LRP4: variants seen among roughly 807,000 people sequenced by gnomAD.
The protein encoded by LRP4 is LDL receptor related protein 4.
Under a neutral mutation model 220.3 loss-of-function variants are expected in LRP4, and 95 were observed. The ratio of observed to expected loss-of-function variants is 0.43; its 90% CI spans 0.37 to 0.51. The LOEUF is 0.51. Among genes scored for constraint, LRP4 ranks in the 20% least tolerant of loss-of-function variants. LRP4 has a pLI of 0.00. For synonymous variants in LRP4, 903 were observed against 954.6 expected, an observed-to-expected ratio of 0.95 and a Z score of 1.00; for missense variants, 1,925 against 2,567.0, an observed-to-expected ratio of 0.75 and a Z score of 5.40.
Position 46,871,545 on chromosome 11 carries a change from G to A in LRP4, c.4672C>T (p.His1558Tyr), listed in dbSNP as rs1940863301. Residue 1558 changes from histidine (H) to tyrosine (Y), a missense_variant, in exon 31 of 38, where the codon CAC becomes TAC. Around this residue, in one of 3 missense-constraint regions of LRP4, gnomAD observed 1,244 missense variants for 1,624.9 expected, o/e 0.77. Coordinates refer to ENST00000378623, the MANE Select transcript of LRP4 (RefSeq NM_002334.4). ...AGTACCTGTGTGAGGGCAAAGGGGTGGGACACATGGCTGACCAAGACCTGC... is the reference window on the plus strand; with the variant it reads ...AGTACCTGTGTGAGGGCAAAGGGGTAGGACACATGGCTGACCAAGACCTGC... Reference protein sequence around the residue: ...LRQVLVSHVSHPFALTQQDRW... With the variant: ...LRQVLVSHVSYPFALTQQDRW... 1 of 1,612,540 alleles carries A rather than the reference G, an allele frequency of 6.2e-7. No individual in the cohort carries two copies. Among genetic ancestry groups the A allele is most frequent in the Non-Finnish European group, 8.5e-7 (1 of 1,179,186 alleles).
chr11:46,900,389 G>GGAAAA lies in LRP4; in HGVS notation c.200-16_200-12dup, dbSNP rs760673637. The GGAAAA allele has an allele frequency of 1.3e-6, 2 of 1,542,272 alleles. No homozygotes were observed. The highest frequency in any genetic ancestry group is 3.3e-5 in the Admixed American group (2 of 59,932). On this transcript the variant is annotated splice_polypyrimidine_tract_variant and intron_variant, in intron 2 of 37. Coordinates refer to ENST00000378623, the MANE Select transcript of LRP4 (RefSeq NM_002334.4). ...AACAGGTAGGTAGTACTGAATCCCA[G>GGAAAA]GAAAAGAAAAGAAAAGTCAATCAAC...
chr11:46,883,076 C>T (rs934443660), intron 19 of LRP4, among the ~76,000 whole-genome samples: 1 of 152,072 alleles, frequency 6.6e-6, no homozygotes, highest in African/African-American at 2.4e-5. Context: ...AGTGAGATCA[C>T]AGAGAATTTT....
chr11:46,901,539 G>A (rs1423785622), intron 2 of LRP4, among the ~76,000 whole-genome samples: 1 of 152,122 alleles, frequency 6.6e-6, no homozygotes, highest in East Asian at 1.9e-4. Context: ...GGGTTAATGA[G>A]GTCCAGGTTG....
intron 12 of LRP4, among the ~76,000 whole-genome samples, chr11:46,894,018 A>C (rs1312858020): frequency 6.6e-6 from 1 of 151,458 alleles, no homozygotes; most frequent in Non-Finnish European, 1.5e-5. Flanking sequence ...CAGCCTCCCA[A>C]GTAGCTGGGA....
intron 7 of LRP4, among the ~76,000 whole-genome samples, chr11:46,897,889 T>C (rs372200395): frequency 1.2e-4 from 19 of 152,142 alleles, no homozygotes; most frequent in African/African-American, 4.6e-4. Context: ...AGCTGTTGGG[T>C]ACACCTCCCA....
intron 37 of LRP4, 27 bp downstream of exon 37, chr11:46,862,579 C>T (rs764729723): frequency 1.2e-6 from 2 of 1,613,656 alleles, no homozygotes; most frequent in Admixed American, 1.7e-5. Context: ...GCCAAAAAGA[C>T]CCTTGAATAT....
intron 1 of LRP4, among the ~76,000 whole-genome samples, chr11:46,912,985 G>C (rs1408796694): frequency 6.6e-6 from 1 of 152,132 alleles, no homozygotes; most frequent in Non-Finnish European, 1.5e-5. Context: ...GCTGTGCATA[G>C]AGGTGAGGGG....
intron 1 of LRP4, among the ~76,000 whole-genome samples, chr11:46,907,636 C>CAA (rs1436397668): frequency 6.6e-6 from 1 of 152,114 alleles, no homozygotes; most frequent in Non-Finnish European, 1.5e-5. Flanking sequence ...CCAGGGAAGC[C>CAA]AAAAGTCTGG....
chr11:46,868,112 G>A lies in LRP4; in HGVS notation c.4954C>T (p.Pro1652Ser). ...EPDSRPCSLV[P>S]GLVPPAPRAT... is the part of the protein sequence containing the mutation. ...CTAGGAGCTGGTGGTACCAGGCCAGGCACTAGACAAAAAAGAGGATTGGAG... is the reference window on the plus strand; with the variant it reads ...CTAGGAGCTGGTGGTACCAGGCCAGACACTAGACAAAAAAGAGGATTGGAG... Residue 1652 changes from proline to serine, a missense_variant and splice_region_variant, in exon 34 of 38, where the codon CCT becomes TCT. Physicochemically the swap from Pro to Ser is moderately conservative, Grantham distance 74. Coordinates refer to ENST00000378623, the MANE Select transcript of LRP4 (RefSeq NM_002334.4). The A allele has an allele frequency of 6.2e-7, 1 of 1,614,040 alleles. No homozygotes were observed. The highest frequency in any genetic ancestry group is 8.5e-7 in the Non-Finnish European group (1 of 1,180,018).
At chr11:46,891,190 T>C (rs566813245) in intron 13 of LRP4, among the ~76,000 whole-genome samples, 1 of 152,260 alleles carries the variant, frequency 6.6e-6, no homozygotes, top group African/African-American at 2.4e-5. Flanking sequence ...TTCAGCTCAC[T>C]GCAACCTCCA....
At chr11:46,871,276 C>T (rs773728400) in intron 31 of LRP4, among the ~76,000 whole-genome samples, 4 of 152,124 alleles carry the variant, frequency 2.6e-5, no homozygotes, top group African/African-American at 4.8e-5. Context: ...AGCACCATAT[C>T]GGATTCTGTA....
In LRP4 at chr11:46,875,048, C is replaced by T. The variant is rs761599355; in HGVS notation, c.3981G>A (p.Arg1327=). 4.3e-6 allele frequency: 7 copies of T among 1,613,652 alleles called. No individual in the cohort carries two copies. In the East Asian group the frequency reaches 1.6e-4, roughly 36 times the overall value. Reference sequence around the variant, plus strand: ...GGCAGGCACAGGAGAAGCCAGAAGGCCGAGGCAAGCAGAGGTGGGAGCAGC... The same window carrying T: ...GGCAGGCACAGGAGAAGCCAGAAGGTCGAGGCAAGCAGAGGTGGGAGCAGC... ...NGGCSHLCLP[R]PSGFSCACPT... Residue 1327 remains arginine, a synonymous_variant, in exon 28 of 38, where the codon CGG becomes CGA. Coordinates refer to ENST00000378623, the MANE Select transcript of LRP4 (RefSeq NM_002334.4). This position sits in a 1 kb window ranked among gnomAD's most constrained non-coding sequence, Gnocchi z 4.5.
intron 25 of LRP4, among the ~76,000 whole-genome samples, chr11:46,876,195 G>A (rs1941010326): frequency 6.6e-6 from 1 of 152,170 alleles, no homozygotes; most frequent in African/African-American, 2.4e-5. Flanking sequence ...TAAGGAAGCT[G>A]AGAATTAGAG....
In LRP4 at chr11:46,910,087, G is replaced by A. The variant is rs571390579; in HGVS notation, c.53-7158C>T. Among the ~76,000 whole-genome samples the A allele has an allele frequency of 1.4e-3, 207 of 152,244 alleles. No individual in the cohort carries two copies. The Middle Eastern group carries it at 0.017, about 13-fold the overall frequency. ...GGTGAAGTCTTCTCCTCAGTGGCCC[G>A]TTTCGAAAGGGACATGTCGGGCACA... On this transcript the variant is annotated intron_variant, in intron 1 of 37. Transcript: ENST00000378623.
At position 46,902,935 on chromosome 11, in the gene LRP4, C is replaced by A; in HGVS notation, c.53-6G>T. On this transcript the variant is annotated splice_polypyrimidine_tract_variant and splice_region_variant and intron_variant, in intron 1 of 37. Transcript: ENST00000378623. The stretch of plus-strand genomic sequence containing the variant: ...CTCGGGGCTGCTGGCCAGGCCTGGG[C>A]GGAGGGAAAAGGAATCAGTGAGGGC... The A allele has an allele frequency of 1.2e-6, 2 of 1,613,896 alleles. No homozygotes were observed. The highest frequency in any genetic ancestry group is 1.7e-6 in the Non-Finnish European group (2 of 1,180,022).
chr11:46,918,314 C>T lies in LRP4; in HGVS notation c.52+14G>A. On this transcript the variant is annotated intron_variant, in intron 1 of 37. Coordinates refer to ENST00000378623, the MANE Select transcript of LRP4 (RefSeq NM_002334.4). This position sits in a 1 kb window ranked among gnomAD's most constrained non-coding sequence, Gnocchi z 6.0. ...CGGACCCAGGGACAAACTTTCCCGG[C>T]GGGCGCCGCTTACCGTGTGCGCAGA... is the stretch of plus-strand genomic sequence containing the variant. 6.6e-7 allele frequency: 1 copy of T among 1,509,332 alleles called. No individual in the cohort carries two copies. Among genetic ancestry groups the T allele is most frequent in the Non-Finnish European group, 8.8e-7 (1 of 1,134,856 alleles). The allele number at this position is 1,509,332 out of a possible 1,614,324, so 93.5% of individuals were successfully genotyped here.
chr11:46,861,529 T>G (rs928040025), intron 37 of LRP4, among the ~76,000 whole-genome samples: 1 of 110,374 alleles, frequency 9.1e-6, no homozygotes, highest in Non-Finnish European at 2.1e-5. Flanking sequence ...GGGACTTTTT[T>G]TTTTTTTTTT....
chr11:46,900,484 T>C, intron 2 of LRP4, 106 bp from the exon 3 acceptor site: 1 of 780,322 alleles, frequency 1.3e-6, no homozygotes, highest in South Asian at 1.4e-5. Flanking sequence ...CTTTTTTTCT[T>C]TTTTTGAGAC....
Position 46,896,851 on chromosome 11 carries a change from C to T in LRP4, c.922+18G>A. The stretch of plus-strand genomic sequence containing the variant: ...CAACTATAGGCTAAGGGTTCTGGGG[C>T]ACCCCGGGAGACACCACCTGTATTC... On this transcript the variant is annotated intron_variant, in intron 8 of 37. Transcript: ENST00000378623. The T allele has an allele frequency of 6.2e-7, 1 of 1,614,092 alleles. No individual in the cohort carries two copies. The highest frequency in any genetic ancestry group is 8.5e-7 in the Non-Finnish European group (1 of 1,179,936).
Sources: gnomAD v4.1 joint callset for allele counts (sites outside exome capture counted in the v4.1 genomes callset) on GRCh38, gnomAD v4.1.1 for gene constraint, gnomAD v4.1.1 regional missense constraint, Gnocchi (gnomAD v3.1) non-coding constraint, MANE v1.5 for transcripts, NCBI Gene and HGNC (gene_info 2026-07-23, HGNC 2026-07-21) for gene names.